The following ZGRF1 variants were observed in gnomAD, a reference collection of about 807,000 sequenced individuals.
ZGRF1 encodes zinc finger GRF-type containing 1.
ZGRF1 carries 196 observed loss-of-function variants against 203.5 expected under a neutral mutation model. The ratio of observed to expected loss-of-function variants is 0.96; its 90% CI spans 0.86 to 1.08. The LOEUF is 1.08. Ranked by LOEUF, ZGRF1 falls within the 50% of genes least tolerant of loss-of-function variation. The pLI, the probability that ZGRF1 is intolerant of heterozygous loss-of-function variation, is 0.00. For synonymous variants in ZGRF1, 809 were observed against 841.3 expected (o/e 0.96, Z 0.66); for missense variants, 2,326 against 2,416.3 (o/e 0.96, Z 0.78).
intron 4 of ZGRF1, among the ~76,000 whole-genome samples, chr4:112,621,477 C>A (rs1016460960): frequency 1.3e-5 from 2 of 151,660 alleles, no homozygotes; most frequent in Admixed American, 1.3e-4. Context: ...TGGTGAAACC[C>A]CGTCTCTACT....
intron 16 of ZGRF1, among the ~76,000 whole-genome samples, chr4:112,579,266 G>A (rs1469799150): frequency 2.4e-5 from 3 of 122,918 alleles, no homozygotes; most frequent in Middle Eastern, 7.1e-3. Context: ...TTGATTGGAT[G>A]TATCTCAAAA....
chr4:112,603,665 TC>T lies in ZGRF1; in HGVS notation c.2834del (p.Gly945AspfsTer7). On this transcript the variant is annotated frameshift_variant, in exon 10 of 28. Coordinates refer to ENST00000505019, the MANE Select transcript of ZGRF1 (RefSeq NM_018392.5). LOFTEE classifies it high-confidence loss of function. ...TGACCATTACACCACTAGTAGCTGATCCTTTTACTTGATGTCCTTGAAACTC... is the reference window on the plus strand; with the variant it reads ...TGACCATTACACCACTAGTAGCTGATCTTTTACTTGATGTCCTTGAAACTC... ...PVEFQGHQVK[G>X]SATSGVMVRG... is the part of the protein sequence containing the mutation. 6.2e-7 allele frequency: 1 copy of T among 1,613,892 alleles called. No homozygotes were observed. The highest frequency in any genetic ancestry group is 8.5e-7 in the Non-Finnish European group (1 of 1,179,938).
chr4:112,614,343 T>A (rs2046792078), intron 6 of ZGRF1, among the ~76,000 whole-genome samples: 1 of 152,212 alleles, frequency 6.6e-6, no homozygotes, highest in East Asian at 1.9e-4. Context: ...AAATCAGTAT[T>A]TGCTATACTT....
At position 112,579,880 on chromosome 4, in the gene ZGRF1, T is replaced by A. The variant is rs1216167531; in HGVS notation, c.4438+1783A>T. Among the ~76,000 whole-genome samples the A allele has an allele frequency of 9.8e-5, 12 of 122,298 alleles. 1 individual carries two copies. Among genetic ancestry groups the A allele is most frequent in the African/African-American group, 3.1e-4 (11 of 35,252 alleles). The allele number at this position is 122,298 out of a possible 152,430, so 80.2% of individuals were successfully genotyped here. A position where few individuals can be genotyped will look rare whatever the true frequency, so the allele number is the denominator to read the frequency against. On this transcript the variant is annotated intron_variant, in intron 16 of 27. Transcript: ENST00000505019. ...ATTTACAGATTCAATGCCATCCCCA[T>A]CAAGCTACCAATGACTTTCTTCACA...
At chr4:112,607,801 C>T (rs1218257177) in intron 8 of ZGRF1, 1 of 152,244 alleles carries the variant, frequency 6.6e-6, no homozygotes, top group Non-Finnish European at 1.5e-5. Context: ...ATTATCCAGC[C>T]ATCGTACTGT....
chr4:112,628,154 A>G (rs2149200831), intron 3 of ZGRF1, among the ~76,000 whole-genome samples: 1 of 152,358 alleles, frequency 6.6e-6, no homozygotes, highest in African/African-American at 2.4e-5. Context: ...CCCTTAGTCA[A>G]AAATTAGATA....
intron 22 of ZGRF1, among the ~76,000 whole-genome samples, chr4:112,550,338 GT>G (rs1468882854): frequency 1.3e-5 from 2 of 151,386 alleles, no homozygotes; most frequent in Non-Finnish European, 2.9e-5. Flanking sequence ...AGTTTTAAAG[GT>G]AAAAAAAGAA....
In ZGRF1 at chr4:112,540,879, C is replaced by T; in HGVS notation, c.5852G>A (p.Ser1951Asn). The change falls in exon 26 of 28, where the codon AGT (serine) becomes AAT (asparagine). Residue 1951 changes from serine (S) to asparagine (N), a missense_variant. Ser to Asn is a conservative substitution (Grantham distance 46, BLOSUM62 1). Coordinates refer to ENST00000505019, the MANE Select transcript of ZGRF1 (RefSeq NM_018392.5). ...ACCAATCATAGAGCCTGCTATTCCA[C>T]TTGCAATCAGTGATTGAATCAGCTT... Reference protein sequence around the residue: ...TLKLIQSLIASGIAGSMIGVI... With the variant: ...TLKLIQSLIANGIAGSMIGVI... 6.3e-7 allele frequency: 1 copy of T among 1,590,662 alleles called. No homozygotes were observed. The highest frequency in any genetic ancestry group is 8.6e-7 in the Non-Finnish European group (1 of 1,167,124).
intron 6 of ZGRF1, among the ~76,000 whole-genome samples, chr4:112,614,829 A>T (rs2046813470): frequency 6.6e-6 from 1 of 151,782 alleles, no homozygotes; most frequent in African/African-American, 2.4e-5. Context: ...TCTGTGTCAA[A>T]AAAAAAAAAG....
intron 10 of ZGRF1, among the ~76,000 whole-genome samples, chr4:112,598,165 G>A (rs879891089): frequency 1.3e-5 from 2 of 152,066 alleles, no homozygotes; most frequent in Admixed American, 1.3e-4. Context: ...ATTATACAGT[G>A]CATACTGAAG....
intron 16 of ZGRF1, among the ~76,000 whole-genome samples, chr4:112,575,661 C>T (rs1352658575): frequency 6.6e-6 from 1 of 152,188 alleles, no homozygotes; most frequent in African/African-American, 2.4e-5. Context: ...GTCCTACACC[C>T]ACGGAGCCTC....
chr4:112,585,696 C>T lies in ZGRF1; in HGVS notation c.3946G>A (p.Ala1316Thr). ...EHLNILLFGL[A>T]QNLQKALSKV... ...GAAAGAGCTTTCTGCAGGTTTTGTG[C>T]TAACCCAAACAGCAATATATTTAGA... Residue 1316 changes from alanine (A) to threonine (T), a missense_variant, in exon 14 of 28, where the codon GCA becomes ACA. Physicochemically the swap from Ala to Thr is moderately conservative, Grantham distance 58 (BLOSUM62 0). Coordinates refer to ENST00000505019, the MANE Select transcript of ZGRF1 (RefSeq NM_018392.5). The T allele has an allele frequency of 1.3e-6, 2 of 1,581,484 alleles. No homozygotes were observed. The highest frequency in any genetic ancestry group is 1.2e-5 in the South Asian group (1 of 86,408).
chr4:112,627,576 C>A (rs191063308), intron 3 of ZGRF1, among the ~76,000 whole-genome samples: 45 of 152,158 alleles, frequency 3.0e-4, no homozygotes, highest in Admixed American at 7.2e-4. Context: ...CCCGTCTCTA[C>A]CAAAAATACA....
intron 26 of ZGRF1, 35 bp from the exon 27 acceptor site, chr4:112,540,159 G>C (rs1388586005): frequency 6.8e-7 from 1 of 1,461,582 alleles, no homozygotes; most frequent in Non-Finnish European, 9.1e-7. Context: ...TGTAGTAAGA[G>C]ATTGTGAAGA....
intron 20 of ZGRF1, 128 bp downstream of exon 20, chr4:112,558,022 C>A: frequency 2.7e-6 from 2 of 741,312 alleles, no homozygotes; most frequent in Non-Finnish European, 4.5e-6. Flanking sequence ...GCTTCTGGGT[C>A]AGAGACAAAG....
At position 112,587,707 on chromosome 4, in the gene ZGRF1, T is replaced by C. The variant is rs777666792; in HGVS notation, c.3350A>G (p.Asp1117Gly). ...TTCAGAGAAAAAGGTTTCATTTTGG[T>C]CCTCAGGCTCAATGCTAAACGAAAG... Reference protein sequence around the residue: ...AVLSFSIEPEDQNETFFSEES... With the variant: ...AVLSFSIEPEGQNETFFSEES... Residue 1117 changes from aspartate to glycine, a missense_variant, in exon 12 of 28, where the codon GAC becomes GGC. Transcript: ENST00000505019. 12 of 1,597,896 alleles carry C rather than the reference T, an allele frequency of 7.5e-6. No homozygotes were observed. The South Asian group carries it at 1.3e-4, about 18-fold the overall frequency.
At chr4:112,596,240 A>T (rs1304339192) in intron 10 of ZGRF1, among the ~76,000 whole-genome samples, 1 of 152,200 alleles carries the variant, frequency 6.6e-6, no homozygotes, top group African/African-American at 2.4e-5. Flanking sequence ...AATATTAAGA[A>T]GATGGGGAAT....
In ZGRF1 at chr4:112,633,032, TAGCC is replaced by T. The variant is rs2047462936; in HGVS notation, c.21+120_21+123del. On this transcript the variant is annotated intron_variant, in intron 2 of 27. Coordinates refer to ENST00000505019, the MANE Select transcript of ZGRF1 (RefSeq NM_018392.5). Reference sequence around the variant, plus strand: ...TATTTGAAATTCAAATTTAACTGAGTAGCCTGTTTTTTGTTTTGTTTTTGCTAAA... The same window carrying T: ...TATTTGAAATTCAAATTTAACTGAGTTGTTTTTTGTTTTGTTTTTGCTAAA... 2.9e-5 allele frequency: 24 copies of T among 813,676 alleles called. No individual in the cohort carries two copies. In the South Asian group the frequency reaches 3.3e-4, roughly 11 times the overall value. 50.4% of individuals were successfully genotyped at this position (813,676 alleles called of 1,614,324 possible).
intron 16 of ZGRF1, among the ~76,000 whole-genome samples, chr4:112,580,286 T>A: frequency 7.3e-6 from 1 of 136,980 alleles, no homozygotes; most frequent in South Asian, 2.6e-4. Flanking sequence ...TCAAAATGGA[T>A]TAAAGACTTA....
Sources: allele counts gnomAD v4.1 joint callset (sites outside exome capture counted in the v4.1 genomes callset), GRCh38; gene constraint gnomAD v4.1.1; transcripts MANE v1.5; gene names NCBI Gene and HGNC (gene_info 2026-07-23, HGNC 2026-07-21).